Variants in PLCE1 observed in about 807,000 individuals in gnomAD.
PLCE1 encodes phospholipase C epsilon 1.
A neutral mutation model predicts 242.8 loss-of-function variants in PLCE1; 119 were observed. That is an observed-to-expected ratio of 0.49 (90% CI 0.42 to 0.57). The LOEUF (loss-of-function observed/expected upper bound fraction) is 0.57. Among genes scored for constraint, PLCE1 ranks in the 20% least tolerant of loss-of-function variants. PLCE1 has a pLI of 0.00. For missense variants in PLCE1, 2,441 were observed against 2,788.8 expected, an observed-to-expected ratio of 0.88 and a Z score of 2.81; for synonymous variants, 945 against 1,017.4, an observed-to-expected ratio of 0.93 and a Z score of 1.35.
Position 94,164,861 on chromosome 10 carries a change from C to T in PLCE1, c.1493-6319C>T, listed in dbSNP as rs183258683. ...TTAGTTTTCCTTCTAAGAGTCAGGACCCTCAGCTGCAGGTCTGTTGGAGTT... is the reference window on the plus strand; with the variant it reads ...TTAGTTTTCCTTCTAAGAGTCAGGATCCTCAGCTGCAGGTCTGTTGGAGTT... On this transcript the variant is annotated intron_variant, in intron 3 of 32. Coordinates refer to ENST00000371380, the MANE Select transcript of PLCE1 (RefSeq NM_016341.4). Among the ~76,000 whole-genome samples, 736 of 152,292 alleles carry T rather than the reference C, an allele frequency of 4.8e-3. 8 individuals are homozygous for T. Among genetic ancestry groups the T allele is most frequent in the African/African-American group, 0.017 (697 of 41,554 alleles).
chr10:94,098,415 A>G (rs1317475843), intron 2 of PLCE1, among the ~76,000 whole-genome samples: 1 of 152,192 alleles, frequency 6.6e-6, no homozygotes, highest in African/African-American at 2.4e-5. Flanking sequence ...ATATCACTTC[A>G]TGCATAAATA....
At chr10:94,033,144 C>T (rs2061594972) in intron 2 of PLCE1, among the ~76,000 whole-genome samples, 1 of 151,900 alleles carries the variant, frequency 6.6e-6, no homozygotes, top group African/African-American at 2.4e-5. Flanking sequence ...GGGACTTGAG[C>T]ATTCTTGAAC....
chr10:94,287,935 CG>C (rs907101567), intron 22 of PLCE1, among the ~76,000 whole-genome samples: 45 of 152,048 alleles, frequency 3.0e-4, no homozygotes, highest in African/African-American at 1.0e-3. Flanking sequence ...ATTCCAAGGA[CG>C]GGGTCCTTGG....
At chr10:94,247,445 C>T (rs957672118) in intron 8 of PLCE1, among the ~76,000 whole-genome samples, 1 of 152,086 alleles carries the variant, frequency 6.6e-6, no homozygotes, top group Non-Finnish European at 1.5e-5. Context: ...CAATGGAAAG[C>T]ATTGTTATCT....
At chr10:94,182,391 C>T (rs998662916) in intron 4 of PLCE1, among the ~76,000 whole-genome samples, 19 of 151,730 alleles carry the variant, frequency 1.3e-4, no homozygotes, top group African/African-American at 4.1e-4. Flanking sequence ...CTCAGCCTCC[C>T]GAGTAGCTGG....
At chr10:94,106,074 A>G (rs2045722348) in intron 2 of PLCE1, 1 of 152,234 alleles carries the variant, frequency 6.6e-6, no homozygotes, top group Non-Finnish European at 1.5e-5. Context: ...AAACTCAGGA[A>G]GTGTGGCTTC....
chr10:94,262,860 TG>T (rs1255101930), intron 14 of PLCE1, 128 bp downstream of exon 14: 9 of 803,032 alleles, frequency 1.1e-5, no homozygotes, highest in East Asian at 7.5e-5. Context: ...TATACAGTTT[TG>T]TTTTTTTTTT....
chr10:94,016,391 C>G (rs963957554), intron 1 of PLCE1, among the ~76,000 whole-genome samples: 1 of 151,984 alleles, frequency 6.6e-6, no homozygotes, highest in Non-Finnish European at 1.5e-5. Context: ...AAACATTAAA[C>G]TCATTTATGT....
chr10:94,075,212 T>C (rs566488926), intron 2 of PLCE1, among the ~76,000 whole-genome samples: 43 of 152,330 alleles, frequency 2.8e-4, no homozygotes, highest in Middle Eastern at 6.8e-3. Context: ...AATGGCTAGT[T>C]AGTCAGGGAT....
intron 2 of PLCE1, among the ~76,000 whole-genome samples, chr10:94,037,904 T>C (rs1221658941): frequency 6.6e-6 from 1 of 152,232 alleles, no homozygotes; most frequent in Non-Finnish European, 1.5e-5. Context: ...TAGTATTCTT[T>C]GGACAGTATC....
chr10:94,075,575 G>A (rs868494264), intron 2 of PLCE1, among the ~76,000 whole-genome samples: 2 of 152,236 alleles, frequency 1.3e-5, no homozygotes, highest in Non-Finnish European at 2.9e-5. Flanking sequence ...TTGGGTGAAA[G>A]CATTGGTATC....
intron 4 of PLCE1, among the ~76,000 whole-genome samples, chr10:94,187,794 G>A (rs550112735): frequency 2.6e-5 from 4 of 152,298 alleles, no homozygotes; most frequent in Non-Finnish European, 5.9e-5. Context: ...GCGAACACAA[G>A]TTTCATTCCT....
rs987353530 is a variant in PLCE1 at position 94,234,452 on chromosome 10, T to C, written c.2214+140T>C. 7 of 931,838 alleles carry C rather than the reference T, an allele frequency of 7.5e-6. No homozygotes were observed. In the Admixed American group the frequency reaches 1.4e-4, roughly 19 times the overall value. The allele number at this position is 931,838 out of a possible 1,614,324, so 57.7% of individuals were successfully genotyped here. On this transcript the variant is annotated intron_variant, in intron 6 of 32. Coordinates refer to ENST00000371380, the MANE Select transcript of PLCE1 (RefSeq NM_016341.4). ...TGTTATATTATTTCTGGGTAGCACA[T>C]AGATCCTTGGAAGTTCTGTAGAAAA...
chr10:94,271,727 G>A (rs1564848744), intron 18 of PLCE1, among the ~76,000 whole-genome samples: 1 of 152,156 alleles, frequency 6.6e-6, no homozygotes, highest in Non-Finnish European at 1.5e-5. Flanking sequence ...GTATGATAAT[G>A]TATCAGGGGA....
chr10:94,057,055 G>A (rs1260322886), intron 2 of PLCE1, among the ~76,000 whole-genome samples: 1 of 152,156 alleles, frequency 6.6e-6, no homozygotes, highest in East Asian at 1.9e-4. Flanking sequence ...TTCATCAGGT[G>A]ATAGACATTT....
intron 23 of PLCE1, among the ~76,000 whole-genome samples, chr10:94,294,467 C>T (rs2052740257): frequency 6.6e-6 from 1 of 152,096 alleles, no homozygotes; most frequent in African/African-American, 2.4e-5. Flanking sequence ...AAATGGGATA[C>T]AGGCATACTT....
rs372493357 is a variant in PLCE1 at position 94,254,269 on chromosome 10, G to A, written c.3359G>A (p.Gly1120Asp). ...KMHKECRSRS[G>D]SDPQDINEQE... ...CACAAAGAGTGTCGAAGCCGGAGTG[G>A]TTCTGATCCTCAAGACATTAATGAA... Residue 1120 changes from glycine (G) to aspartate (D), a missense_variant, in exon 10 of 33, where the codon GGT becomes GAT. Gly to Asp is a moderately conservative substitution (Grantham distance 94). Transcript: ENST00000371380. 11 of 1,613,902 alleles carry A rather than the reference G, an allele frequency of 6.8e-6. No individual in the cohort carries two copies. The highest frequency in any genetic ancestry group is 6.7e-5 in the African/African-American group (5 of 75,036).
At chr10:94,154,160 A>T (rs570994320) in intron 3 of PLCE1, among the ~76,000 whole-genome samples, 13 of 152,340 alleles carry the variant, frequency 8.5e-5, no homozygotes, top group Middle Eastern at 3.4e-3. Flanking sequence ...GCCCAAAAAT[A>T]AACCCTAACA....
rs1449693108 is a variant in PLCE1 at position 94,031,682 on chromosome 10, T to C, written c.636T>C (p.Asp212=). ...CTLSENLILD[D]CGNCVPLPGG... ...TATCAGAAAACTTAATTTTAGACGA[T>C]TGTGGAAATTGTGTACCACTACCTG... The change falls in exon 2 of 33, where the codon GAT becomes GAC. Residue 212 remains aspartate (D), a synonymous_variant. Transcript: ENST00000371380. 4 of 1,613,752 alleles carry C rather than the reference T, an allele frequency of 2.5e-6. No individual in the cohort carries two copies. In the East Asian group the frequency reaches 6.7e-5, roughly 27 times the overall value.
Sources: allele counts gnomAD v4.1 joint callset (sites outside exome capture counted in the v4.1 genomes callset), GRCh38; gene constraint gnomAD v4.1.1; transcripts MANE v1.5; gene names NCBI Gene and HGNC (gene_info 2026-07-23, HGNC 2026-07-21).